LRP1B: variants seen among roughly 807,000 people sequenced by gnomAD.
LRP1B encodes low-density lipoprotein receptor-related protein 1B.
Under a neutral mutation model 556.6 loss-of-function variants are expected in LRP1B, and 217 were observed. The ratio of observed to expected loss-of-function variants is 0.39; its 90% CI spans 0.35 to 0.44. The LOEUF (loss-of-function observed/expected upper bound fraction) is 0.44. LRP1B is among the 20% of genes least tolerant of loss of function. The probability of loss-of-function intolerance (pLI) is 1.00; values close to 1 mark genes in which losing one functional copy is unlikely to be tolerated. For synonymous variants in LRP1B, 2,047 were observed against 1,865.8 expected, an observed-to-expected ratio of 1.10 and a Z score of -2.50; for missense variants, 5,053 against 5,620.8, an observed-to-expected ratio of 0.90 and a Z score of 3.23.
At chr2:141,647,760 T>C (rs1689634073) in intron 2 of LRP1B, among the ~76,000 whole-genome samples, 1 of 151,436 alleles carries the variant, frequency 6.6e-6, no homozygotes, top group South Asian at 2.1e-4. Flanking sequence ...TTAATAGTCA[T>C]TGACTGGTTT....
chr2:141,370,406 T>C (rs893986335), intron 3 of LRP1B, among the ~76,000 whole-genome samples: 6 of 152,176 alleles, frequency 3.9e-5, no homozygotes, highest in Non-Finnish European at 7.3e-5. Flanking sequence ...ATTAATGATG[T>C]TCAATGTTTT....
At chr2:141,391,583 A>G (rs964320249) in intron 3 of LRP1B, among the ~76,000 whole-genome samples, 1 of 152,192 alleles carries the variant, frequency 6.6e-6, no homozygotes, top group Admixed American at 6.5e-5. Context: ...TAGTCTTTAA[A>G]TCCATGATAA....
intron 3 of LRP1B, among the ~76,000 whole-genome samples, chr2:141,377,621 T>C (rs1689487040): frequency 6.6e-6 from 1 of 152,120 alleles, no homozygotes; most frequent in Non-Finnish European, 1.5e-5. Context: ...CACAATTGAA[T>C]TTCAAATCAT....
chr2:141,681,992 C>A (rs1463432052), intron 2 of LRP1B, among the ~76,000 whole-genome samples: 3 of 152,118 alleles, frequency 2.0e-5, no homozygotes, highest in African/African-American at 7.2e-5. Context: ...TTTGTACTCT[C>A]AATTCTTGCT....
At chr2:141,126,281 G>A (rs567467619) in intron 7 of LRP1B, among the ~76,000 whole-genome samples, 46 of 152,132 alleles carry the variant, frequency 3.0e-4, no homozygotes, top group South Asian at 1.0e-3. Flanking sequence ...TGATGCACCC[G>A]CCTCGGACTC....
At chr2:141,041,764 T>C (rs1188674233) in intron 11 of LRP1B, among the ~76,000 whole-genome samples, 1 of 152,116 alleles carries the variant, frequency 6.6e-6, no homozygotes, top group Non-Finnish European at 1.5e-5. Context: ...AAATGATAAA[T>C]GTTTGTGGTG....
chr2:141,185,697 C>CAAAAAAAAAAAAAAAAAA (rs533419513), intron 7 of LRP1B, among the ~76,000 whole-genome samples: 1 of 77,792 alleles, frequency 1.3e-5, no homozygotes, highest in African/African-American at 4.0e-5. Context: ...CAAAAAAAAA[C>CAAAAAAAAAAAAAAAAAA]AAAAAAAAAA....
chr2:141,363,891 G>A lies in LRP1B; in HGVS notation c.344-109250C>T, dbSNP rs562677958. Among the ~76,000 whole-genome samples the A allele has an allele frequency of 1.2e-3, 176 of 151,962 alleles. 1 individual carries two copies. Among genetic ancestry groups the A allele is most frequent in the Middle Eastern group, 6.9e-3 (2 of 288 alleles). On this transcript the variant is annotated intron_variant, in intron 3 of 90. Coordinates refer to ENST00000389484, the MANE Select transcript of LRP1B (RefSeq NM_018557.3). Reference sequence around the variant, plus strand: ...TTCCCCAATTATAATTTGTTAAAACGTATATTTATTCTACAAATAAATACT... The same window carrying A: ...TTCCCCAATTATAATTTGTTAAAACATATATTTATTCTACAAATAAATACT...
chr2:140,520,844 C>A (rs1690139463), intron 49 of LRP1B, among the ~76,000 whole-genome samples: 1 of 119,922 alleles, frequency 8.3e-6, no homozygotes, highest in African/African-American at 3.1e-5. Context: ...GACAACATAG[C>A]AGGATTAAGA....
chr2:140,869,868 T>C (rs1251935670), intron 25 of LRP1B, among the ~76,000 whole-genome samples: 1 of 152,084 alleles, frequency 6.6e-6, no homozygotes, highest in East Asian at 1.9e-4. Flanking sequence ...TAGACAATGT[T>C]GGGGCTCAGA....
At chr2:141,470,008 C>T (rs1023381057) in intron 3 of LRP1B, among the ~76,000 whole-genome samples, 3 of 152,074 alleles carry the variant, frequency 2.0e-5, no homozygotes. Flanking sequence ...ATAAATTAAA[C>T]TTTATCATAG....
At position 140,413,504 on chromosome 2, in the gene LRP1B, C is replaced by G. The variant is rs1685051517; in HGVS notation, c.10415-27495G>C. 2.0e-5 allele frequency among the ~76,000 whole-genome samples: 3 copies of G among 152,268 alleles called. No homozygotes were observed. In the South Asian group the frequency reaches 6.2e-4, roughly 32 times the overall value. ...GTTGAACAATTTTACCTTGCCTTGT[C>G]TGAGACATAGCTGGAGAGCCAAAGG... On this transcript the variant is annotated intron_variant, in intron 66 of 90. Transcript: ENST00000389484.
intron 6 of LRP1B, among the ~76,000 whole-genome samples, chr2:141,225,359 C>T (rs1558944944): frequency 1.3e-5 from 2 of 152,120 alleles, no homozygotes; most frequent in Admixed American, 6.6e-5. Flanking sequence ...GGTTCTGAAT[C>T]ATTTTCCTTA....
chr2:140,819,616 T>C (rs1357408491), intron 31 of LRP1B, among the ~76,000 whole-genome samples: 1 of 152,068 alleles, frequency 6.6e-6, no homozygotes, highest in African/African-American at 2.4e-5. Flanking sequence ...GAATAATATA[T>C]ACAAATGGCA....
chr2:141,332,555 T>C (rs1477798790), intron 3 of LRP1B, among the ~76,000 whole-genome samples: 1 of 151,950 alleles, frequency 6.6e-6, no homozygotes, highest in Non-Finnish European at 1.5e-5. Context: ...TCAGCTAATA[T>C]CTGTGTTCTG....
intron 1 of LRP1B, among the ~76,000 whole-genome samples, chr2:141,879,286 T>C (rs1698876620): frequency 6.6e-6 from 1 of 151,820 alleles, no homozygotes; most frequent in South Asian, 2.1e-4. Context: ...AAAAATATAC[T>C]TGGGTAAATA....
chr2:140,982,119 G>A (rs368881829), intron 18 of LRP1B, 41 bp downstream of exon 18: 1 of 1,488,570 alleles, frequency 6.7e-7, no homozygotes, highest in Non-Finnish European at 9.4e-7. Flanking sequence ...TATCCTATCT[G>A]ACACAATCTG....
intron 82 of LRP1B, among the ~76,000 whole-genome samples, chr2:140,319,643 G>T (rs552865230): frequency 1.5e-3 from 229 of 152,134 alleles, no homozygotes; most frequent in Non-Finnish European, 2.4e-3. Context: ...TGGGAGGAGG[G>T]AGAGGATTGG....
chr2:140,982,330 A>C, intron 17 of LRP1B, 54 bp from the exon 18 acceptor site: 4 of 1,089,882 alleles, frequency 3.7e-6, no homozygotes, highest in Non-Finnish European at 5.7e-6. Context: ...TTTGAACATC[A>C]AGGATATAAT....
Sources: gnomAD v4.1 joint callset for allele counts (sites outside exome capture counted in the v4.1 genomes callset) on GRCh38, gnomAD v4.1.1 for gene constraint, MANE v1.5 for transcripts, NCBI Gene and HGNC (gene_info 2026-07-23, HGNC 2026-07-21) for gene names.